KDM4C: variants seen among roughly 807,000 people sequenced by gnomAD.
KDM4C encodes the protein lysine-specific demethylase 4C.
A neutral mutation model predicts 129.3 loss-of-function variants in KDM4C; 81 were observed. The ratio of observed to expected loss-of-function variants is 0.63; its 90% CI spans 0.52 to 0.75. KDM4C has a LOEUF of 0.75. Ranked by LOEUF, KDM4C falls within the 30% of genes least tolerant of loss-of-function variation. The probability of loss-of-function intolerance (pLI) is 0.00; values close to 1 mark genes in which losing one functional copy is unlikely to be tolerated. For synonymous variants in KDM4C, 573 were observed against 456.1 expected, an observed-to-expected ratio of 1.26 and a Z score of -3.26; for missense variants, 1,457 against 1,304.0, an observed-to-expected ratio of 1.12 and a Z score of -1.81.
intron 8 of KDM4C, among the ~76,000 whole-genome samples, chr9:6,923,535 A>T (rs1821929755): frequency 6.6e-6 from 1 of 152,190 alleles, no homozygotes; most frequent in African/African-American, 2.4e-5. Flanking sequence ...ATGAAGGTGC[A>T]AACTTTTACT....
chr9:7,067,473 A>C (rs1212105031), intron 17 of KDM4C, among the ~76,000 whole-genome samples: 1 of 152,206 alleles, frequency 6.6e-6, no homozygotes, highest in Non-Finnish European at 1.5e-5. Context: ...TTCCACTTAA[A>C]TGACAGACCA....
upstream of KDM4C, among the ~76,000 whole-genome samples, chr9:6,753,838 A>G (rs1054039966): frequency 6.6e-6 from 1 of 152,038 alleles, no homozygotes. Context: ...AAAGGTAAAT[A>G]AAAACACTAA....
chr9:7,135,857 C>T (rs1435053292), intron 19 of KDM4C, among the ~76,000 whole-genome samples: 1 of 152,214 alleles, frequency 6.6e-6, no homozygotes, highest in Non-Finnish European at 1.5e-5. Context: ...GCAGACATCT[C>T]TCATCAGTGA....
intron 17 of KDM4C, among the ~76,000 whole-genome samples, chr9:7,052,894 A>AGAGAGAGAGAGAGAGAGAGGGAGC (rs1339242817): frequency 9.5e-6 from 1 of 105,468 alleles, no homozygotes; most frequent in African/African-American, 3.5e-5. Context: ...AGAGAGAGAG[A>AGAGAGAGAGAGAGAGAGAGGGAGC]GAGAGAGCGA....
At chr9:6,803,223 TG>T (rs1397541633) in intron 2 of KDM4C, among the ~76,000 whole-genome samples, 1 of 152,170 alleles carries the variant, frequency 6.6e-6, no homozygotes, top group Admixed American at 6.5e-5. Flanking sequence ...CAGAGCTGTG[TG>T]CTTGTGATTA....
At position 6,966,218 on chromosome 9, in the gene KDM4C, T is replaced by G. The variant is rs568407531; in HGVS notation, c.922-14707T>G. 6.6e-5 allele frequency among the ~76,000 whole-genome samples: 10 copies of G among 152,316 alleles called. No individual in the cohort carries two copies. The South Asian group carries it at 1.5e-3, about 22-fold the overall frequency. ...TTTTTTTTTAGACGGAGTCTCGCTCTGTCTCCCAGGCTGGAGTGCAGTGGC... is the reference window on the plus strand; with the variant it reads ...TTTTTTTTTAGACGGAGTCTCGCTCGGTCTCCCAGGCTGGAGTGCAGTGGC... On this transcript the variant is annotated intron_variant, in intron 8 of 21. Coordinates refer to ENST00000381309, the MANE Select transcript of KDM4C (RefSeq NM_015061.6).
chr9:7,139,198 C>T (rs1841505665), intron 19 of KDM4C, among the ~76,000 whole-genome samples: 1 of 152,160 alleles, frequency 6.6e-6, no homozygotes, highest in South Asian at 2.1e-4. Flanking sequence ...TCACTTGAGC[C>T]TGGGAGGCCG....
At chr9:6,791,284 T>C (rs1369666170) in intron 1 of KDM4C, among the ~76,000 whole-genome samples, 1 of 152,190 alleles carries the variant, frequency 6.6e-6, no homozygotes, top group Non-Finnish European at 1.5e-5. Context: ...GCTAATTTTT[T>C]ATATTTTTAG....
intron 8 of KDM4C, among the ~76,000 whole-genome samples, chr9:6,939,254 AC>A (rs1563848589): frequency 6.6e-6 from 1 of 151,890 alleles, no homozygotes; most frequent in Non-Finnish European, 1.5e-5. Flanking sequence ...TAGAGTGTGA[AC>A]CCTGTTGTGA....
At chr9:6,857,779 G>C (rs368808199) in intron 5 of KDM4C, among the ~76,000 whole-genome samples, 63 of 148,922 alleles carry the variant, frequency 4.2e-4, no homozygotes, top group African/African-American at 1.3e-3. Context: ...TTTTAAGACA[G>C]GGTCTCGCTC....
intron 8 of KDM4C, among the ~76,000 whole-genome samples, chr9:6,944,030 G>A (rs991601162): frequency 6.6e-6 from 1 of 152,112 alleles, no homozygotes; most frequent in African/African-American, 2.4e-5. Flanking sequence ...ATGTCATAAT[G>A]TATTCCTTCT....
At chr9:6,838,825 C>T (rs1166712462) in intron 4 of KDM4C, among the ~76,000 whole-genome samples, 1 of 152,168 alleles carries the variant, frequency 6.6e-6, no homozygotes, top group Non-Finnish European at 1.5e-5. Flanking sequence ...GCAAAATGTA[C>T]TGCATACGGA....
intron 17 of KDM4C, among the ~76,000 whole-genome samples, chr9:7,064,498 T>C (rs1465118617): frequency 6.6e-6 from 1 of 152,128 alleles, no homozygotes; most frequent in Non-Finnish European, 1.5e-5. Context: ...AATGAATTGA[T>C]ACGAGGCAGG....
At chr9:6,799,067 C>T (rs1296230972) in intron 2 of KDM4C, among the ~76,000 whole-genome samples, 1 of 151,648 alleles carries the variant, frequency 6.6e-6, no homozygotes, top group South Asian at 2.1e-4. Flanking sequence ...CAGAGACGCT[C>T]CTCACTTTCC....
At chr9:7,083,083 A>G (rs1479766019) in intron 17 of KDM4C, among the ~76,000 whole-genome samples, 3 of 152,200 alleles carry the variant, frequency 2.0e-5, no homozygotes, top group African/African-American at 7.2e-5. Context: ...GATATACTCA[A>G]CAGTTCAGGA....
chr9:6,786,696 T>A (rs935690108), intron 1 of KDM4C, among the ~76,000 whole-genome samples: 4 of 152,156 alleles, frequency 2.6e-5, no homozygotes, highest in African/African-American at 9.7e-5. Flanking sequence ...GACTGGGGAT[T>A]TAATTGTAGC....
intron 1 of KDM4C, chr9:6,735,084 G>C (rs567313558): frequency 2.4e-6 from 1 of 422,460 alleles, no homozygotes; most frequent in African/African-American, 2.0e-5. Context: ...CATGGTTCCA[G>C]CAGCCTATGC....
chr9:6,998,660 G>A (rs1395070665), intron 12 of KDM4C, among the ~76,000 whole-genome samples: 1 of 152,150 alleles, frequency 6.6e-6, no homozygotes, highest in African/African-American at 2.4e-5. Context: ...GCTGAGTGTG[G>A]TGGCACACAC....
intron 1 of KDM4C, among the ~76,000 whole-genome samples, chr9:6,734,288 G>GTT (rs57329090): frequency 0.084 from 9,281 of 110,154 alleles, 566 homozygotes; most frequent in Non-Finnish European, 0.11. Context: ...CCCATGTTTG[G>GTT]TTTTTTTTTT....
Sources: allele counts gnomAD v4.1 joint callset (sites outside exome capture counted in the v4.1 genomes callset), GRCh38; gene constraint gnomAD v4.1.1; transcripts MANE v1.5; gene names NCBI Gene and HGNC (gene_info 2026-07-23, HGNC 2026-07-21).